Variants in DPP6 observed in about 807,000 individuals in gnomAD.
The protein encoded by DPP6 is A-type potassium channel modulatory protein DPP6.
In DPP6, 69 loss-of-function variants were observed where a neutral mutation model predicts 122.6. That is an observed-to-expected ratio of 0.56 (90% confidence interval 0.46 to 0.69). DPP6 has a LOEUF of 0.69. DPP6 is among the 30% of genes least tolerant of loss of function. The probability of loss-of-function intolerance (pLI) is 0.00; values close to 1 mark genes in which losing one functional copy is unlikely to be tolerated. For missense variants in DPP6, 928 were observed against 1,116.9 expected (o/e 0.83, Z 2.41); for synonymous variants, 418 against 433.1 (o/e 0.97, Z 0.43).
intron 1 of DPP6, among the ~76,000 whole-genome samples, chr7:154,379,170 A>T (rs1813380439): frequency 6.6e-6 from 1 of 152,212 alleles, no homozygotes; most frequent in South Asian, 2.1e-4. Flanking sequence ...CTCGGTTCCA[A>T]GAGGTGCCTC....
At chr7:154,025,186 A>G (rs1798908309) in intron 1 of DPP6, among the ~76,000 whole-genome samples, 1 of 151,644 alleles carries the variant, frequency 6.6e-6, no homozygotes, top group African/African-American at 2.4e-5. Flanking sequence ...TGTGCTTTCT[A>G]GAGGGATATA....
exon 1 of DPP6, chr7:153,887,686 G>A: frequency 5.0e-6 from 8 of 1,613,948 alleles, no homozygotes; most frequent in Non-Finnish European, 6.8e-6. Flanking sequence ...GGGGCAAAAT[G>A]AAGGAAAAGG....
chr7:154,516,889 G>A (rs1204124083), intron 3 of DPP6, among the ~76,000 whole-genome samples: 3 of 152,160 alleles, frequency 2.0e-5, no homozygotes, highest in African/African-American at 7.2e-5. Flanking sequence ...TGGCAACACG[G>A]ACCAAGGCAC....
At chr7:154,582,990 G>A (rs1384531922) in intron 5 of DPP6, among the ~76,000 whole-genome samples, 2 of 152,162 alleles carry the variant, frequency 1.3e-5, no homozygotes, top group African/African-American at 2.4e-5. Flanking sequence ...GCCAGGGATG[G>A]AGGGCTGTGG....
At chr7:154,772,630 A>G (rs905048871) in intron 9 of DPP6, among the ~76,000 whole-genome samples, 1 of 152,134 alleles carries the variant, frequency 6.6e-6, no homozygotes, top group Non-Finnish European at 1.5e-5. Context: ...AGCGGATGGG[A>G]TTCTAGAAAA....
chr7:154,824,241 G>A (rs1799989290), intron 16 of DPP6, among the ~76,000 whole-genome samples: 1 of 114,212 alleles, frequency 8.8e-6, no homozygotes, highest in Non-Finnish European at 1.9e-5. Flanking sequence ...TATTCCTTAA[G>A]GAATGTTTTT....
At chr7:154,420,079 G>T (rs1255369717) in intron 1 of DPP6, among the ~76,000 whole-genome samples, 1 of 152,240 alleles carries the variant, frequency 6.6e-6, no homozygotes, top group Non-Finnish European at 1.5e-5. Flanking sequence ...GCTTTTGCCT[G>T]TAATCCCAAC....
At chr7:154,881,221 C>A in intron 21 of DPP6, 1 of 411,024 alleles carries the variant, frequency 2.4e-6, no homozygotes, top group Non-Finnish European at 4.2e-6. Context: ...ACTTTTCTCC[C>A]ATCCATCTGC....
intron 1 of DPP6, among the ~76,000 whole-genome samples, chr7:153,897,182 G>A (rs539434751): frequency 2.6e-5 from 4 of 152,196 alleles, no homozygotes; most frequent in Admixed American, 2.0e-4. Context: ...TTTTGAGAGA[G>A]TATATAGTGG....
intron 1 of DPP6, among the ~76,000 whole-genome samples, chr7:153,979,844 T>A (rs1796493400): frequency 1.3e-5 from 2 of 152,178 alleles, no homozygotes; most frequent in South Asian, 4.1e-4. Context: ...TGATGTATTA[T>A]GTTTATTGAT....
At chr7:154,237,933 G>A (rs995339075) in intron 1 of DPP6, among the ~76,000 whole-genome samples, 6 of 152,226 alleles carry the variant, frequency 3.9e-5, no homozygotes, top group Admixed American at 6.5e-5. Context: ...CTGTTGACAT[G>A]CAGAGAGAAT....
chr7:154,382,063 T>C (rs1005598603), intron 1 of DPP6, among the ~76,000 whole-genome samples: 3 of 114,222 alleles, frequency 2.6e-5, no homozygotes, highest in Non-Finnish European at 5.0e-5. Context: ...GAAACCCCCC[T>C]TTTTTTTTCC....
intron 1 of DPP6, among the ~76,000 whole-genome samples, chr7:154,063,214 C>T (rs1409572780): frequency 7.5e-6 from 1 of 133,818 alleles, no homozygotes. Flanking sequence ...GAGGCACCCC[C>T]CCGCGAGGCA....
intron 16 of DPP6, among the ~76,000 whole-genome samples, chr7:154,838,198 C>G (rs1216421878): frequency 6.6e-6 from 1 of 152,220 alleles, no homozygotes; most frequent in African/African-American, 2.4e-5. Context: ...GAACTAAGAG[C>G]TTCCAGCTAG....
chr7:154,554,186 C>T (rs1435152882), intron 4 of DPP6, among the ~76,000 whole-genome samples: 1 of 151,928 alleles, frequency 6.6e-6, no homozygotes, highest in Admixed American at 6.6e-5. Context: ...TTAACATTAT[C>T]GCCAGGCCCA....
intron 3 of DPP6, among the ~76,000 whole-genome samples, chr7:154,518,639 C>T (rs1300304895): frequency 6.6e-6 from 1 of 151,984 alleles, no homozygotes; most frequent in Non-Finnish European, 1.5e-5. Context: ...TTTATCAGGC[C>T]CTACAGGTAA....
In DPP6 at chr7:154,403,067, CTG is replaced by C. The variant is rs1815776188; in HGVS notation, c.244-43143_244-43142del. Among the ~76,000 whole-genome samples the C allele has an allele frequency of 1.3e-5, 2 of 152,214 alleles. No homozygotes were observed. Among genetic ancestry groups the C allele is most frequent in the South Asian group, 4.1e-4 (2 of 4,832 alleles). ...CTAATTATCAGAGTTATTTATATGA[CTG>C]TGTCAGGTACCTGCCTGAAAATGCT... is the stretch of plus-strand genomic sequence containing the variant. On this transcript the variant is annotated intron_variant, in intron 1 of 25. Transcript: ENST00000377770. This position sits in a 1 kb window ranked among gnomAD's most constrained non-coding sequence, Gnocchi z 4.1.
the DPP6 span, among the ~76,000 whole-genome samples, chr7:153,807,380 G>T: frequency 6.6e-6 from 1 of 151,528 alleles, no homozygotes; most frequent in Non-Finnish European, 1.5e-5. Context: ...AGATCTGTGA[G>T]CCTGGGCCAC....
intron 9 of DPP6, among the ~76,000 whole-genome samples, chr7:154,770,680 G>A (rs1158636689): frequency 6.6e-6 from 1 of 152,210 alleles, no homozygotes; most frequent in Non-Finnish European, 1.5e-5. Flanking sequence ...GCAGCCTAGA[G>A]GGGCCAAGAC....
Sources: gnomAD v4.1 joint callset for allele counts (sites outside exome capture counted in the v4.1 genomes callset) on GRCh38, gnomAD v4.1.1 for gene constraint, Gnocchi (gnomAD v3.1) non-coding constraint, MANE v1.5 for transcripts, NCBI Gene and HGNC (gene_info 2026-07-23, HGNC 2026-07-21) for gene names.